The following KCNMA1 variants were observed in gnomAD, a reference collection of about 807,000 sequenced individuals.
KCNMA1 encodes Calcium-activated potassium channel subunit alpha-1.
KCNMA1 carries 29 observed loss-of-function variants against 140.0 expected under a neutral mutation model. The ratio of observed to expected loss-of-function variants is 0.21; its 90% CI spans 0.15 to 0.28. KCNMA1 has a LOEUF of 0.28. KCNMA1 is among the 10% of genes least tolerant of loss of function. The pLI is 1.00. For missense variants in KCNMA1, 880 were observed against 1,602.2 expected, an observed-to-expected ratio of 0.55 and a Z score of 7.70; for synonymous variants, 612 against 611.9, an observed-to-expected ratio of 1.00 and a Z score of 0.00.
At chr10:77,467,658 G>A (rs1255292724) in intron 1 of KCNMA1, among the ~76,000 whole-genome samples, 2 of 152,238 alleles carry the variant, frequency 1.3e-5, no homozygotes, top group African/African-American at 4.8e-5. Flanking sequence ...TAGTTCCCAA[G>A]TTTCCAGACT....
chr10:76,885,263 T>G lies in KCNMA1; in HGVS notation c.*2003A>C. On this transcript the variant is annotated 3_prime_UTR_variant, in exon 28 of 28. Coordinates refer to ENST00000286628, the MANE Select transcript of KCNMA1 (RefSeq NM_001161352.2). ...GTTATATATATATAATTATATATAG[T>G]TTATATAAAGAGATAGTTATACATA... The G allele has an allele frequency of 5.4e-6, 3 of 551,674 alleles. No individual in the cohort carries two copies. Among genetic ancestry groups the G allele is most frequent in the Non-Finnish European group, 6.9e-6 (3 of 435,356 alleles). The allele number at this position is 551,674 out of a possible 1,614,324, so 34.2% of individuals were successfully genotyped here.
Position 77,001,557 on chromosome 10 carries a change from T to A in KCNMA1, c.2116A>T (p.Met706Leu), listed in dbSNP as rs138441895. The part of the protein sequence containing the change: ...KRPKMSIYKR[M>L]RRACCFDCGR... ...CAATCAAAACAACATGCCCGTCTCA[T>A]TCTCTTGTAGATGGACATCTTGGCT... The change falls in exon 19 of 28, where the codon ATG (methionine) becomes TTG (leucine). Residue 706 changes from methionine (M) to leucine (L), a missense_variant. This residue lies in a region of KCNMA1 where 196 missense variants were observed against 233.0 expected (regional missense o/e 0.84). Coordinates refer to ENST00000286628, the MANE Select transcript of KCNMA1 (RefSeq NM_001161352.2). The A allele has an allele frequency of 1.8e-4, 280 of 1,552,064 alleles. No homozygotes were observed. Among genetic ancestry groups the A allele is most frequent in the Admixed American group, 4.3e-4 (22 of 51,012 alleles).
chr10:77,192,971 C>T (rs2154140827), intron 3 of KCNMA1, among the ~76,000 whole-genome samples: 1 of 152,036 alleles, frequency 6.6e-6, no homozygotes, highest in South Asian at 2.1e-4. Context: ...AAATAATTAG[C>T]CAAGATTTCT....
chr10:77,311,736 CTCT>C (rs754805570), intron 2 of KCNMA1, among the ~76,000 whole-genome samples: 1 of 152,186 alleles, frequency 6.6e-6, no homozygotes, highest in Non-Finnish European at 1.5e-5. Flanking sequence ...ATGGGTTCAC[CTCT>C]TCTTGCAGCC....
In KCNMA1 at chr10:76,886,963, C is replaced by T; in HGVS notation, c.*303G>A. 1.6e-6 allele frequency: 2 copies of T among 1,238,236 alleles called. No individual in the cohort carries two copies. Among genetic ancestry groups the T allele is most frequent in the Non-Finnish European group, 2.0e-6 (2 of 975,752 alleles). The allele number at this position is 1,238,236 out of a possible 1,614,324, so 76.7% of individuals were successfully genotyped here. A position where few individuals can be genotyped will look rare whatever the true frequency, so the allele number is the denominator to read the frequency against. ...AACTGACGTTGATCACAAGTGCTCC[C>T]TTCTAATCTGTGAACTCGTTCCTGC... On this transcript the variant is annotated 3_prime_UTR_variant, in exon 28 of 28. Transcript: ENST00000286628.
At position 76,909,955 on chromosome 10, in the gene KCNMA1, G is replaced by A. The variant is rs201432208; in HGVS notation, c.3147+11C>T. The A allele has an allele frequency of 1.9e-6, 3 of 1,612,806 alleles. No individual in the cohort carries two copies. Among genetic ancestry groups the A allele is most frequent in the Non-Finnish European group, 2.5e-6 (3 of 1,179,748 alleles). On this transcript the variant is annotated intron_variant, in intron 25 of 27. Transcript: ENST00000286628. Reference sequence around the variant, plus strand: ...ACCCTTGAGTGAGGAGGAGGGAACAGGATAACTCACCGCGCTCATGAGTGA... The same window carrying A: ...ACCCTTGAGTGAGGAGGAGGGAACAAGATAACTCACCGCGCTCATGAGTGA...
chr10:77,182,811 G>A (rs2154123339), intron 5 of KCNMA1, among the ~76,000 whole-genome samples: 1 of 152,220 alleles, frequency 6.6e-6, no homozygotes, highest in African/African-American at 2.4e-5. Flanking sequence ...CTATCCTCTG[G>A]TCAAGTTACT....
At chr10:77,432,790 A>C (rs2097179977) in intron 1 of KCNMA1, among the ~76,000 whole-genome samples, 1 of 152,216 alleles carries the variant, frequency 6.6e-6, no homozygotes, top group Admixed American at 6.5e-5. Flanking sequence ...ACTTTTAAAA[A>C]ACTACCAAAC....
chr10:77,406,132 C>A (rs1460400362), intron 1 of KCNMA1, among the ~76,000 whole-genome samples: 1 of 152,210 alleles, frequency 6.6e-6, no homozygotes, highest in Non-Finnish European at 1.5e-5. Context: ...GGACCTGCTG[C>A]CCAAGCCTCC....
At position 77,178,052 on chromosome 10, in the gene KCNMA1, T is replaced by C. The variant is rs143855485; in HGVS notation, c.808+5369A>G. Reference sequence around the variant, plus strand: ...AGCAGATACCCTACATCATTGCAACTGCCCTGTGATTGGGCATTAACTCAT... The same window carrying C: ...AGCAGATACCCTACATCATTGCAACCGCCCTGTGATTGGGCATTAACTCAT... On this transcript the variant is annotated intron_variant, in intron 5 of 27. Coordinates refer to ENST00000286628, the MANE Select transcript of KCNMA1 (RefSeq NM_001161352.2). Among the ~76,000 whole-genome samples the C allele has an allele frequency of 2.1e-3, 315 of 152,354 alleles. 1 individual carries two copies. Among genetic ancestry groups the C allele is most frequent in the Middle Eastern group, 0.02 (6 of 294 alleles).
At chr10:76,946,089 G>A (rs1183201259) in intron 22 of KCNMA1, among the ~76,000 whole-genome samples, 1 of 152,134 alleles carries the variant, frequency 6.6e-6, no homozygotes. Context: ...AAAAGACAGT[G>A]GAAAAATCCC....
At chr10:77,515,966 C>T (rs1487342675) in intron 1 of KCNMA1, among the ~76,000 whole-genome samples, 4 of 152,218 alleles carry the variant, frequency 2.6e-5, no homozygotes, top group Admixed American at 2.6e-4. Context: ...GTTATCCCTG[C>T]AGCCAGCGCA....
chr10:77,122,847 G>T (rs112254864), intron 5 of KCNMA1, among the ~76,000 whole-genome samples: 1,535 of 152,190 alleles, frequency 0.01, 27 homozygotes, highest in African/African-American at 0.035. Context: ...TGTTGATGGG[G>T]TTATTTACCG....
At chr10:77,313,225 A>G (rs2079825391) in intron 2 of KCNMA1, among the ~76,000 whole-genome samples, 2 of 152,328 alleles carry the variant, frequency 1.3e-5, no homozygotes, top group African/African-American at 4.8e-5. Context: ...TGGTCTACAC[A>G]TAAGAAATCT....
intron 5 of KCNMA1, among the ~76,000 whole-genome samples, chr10:77,133,048 T>C (rs2097898368): frequency 6.6e-6 from 1 of 151,570 alleles, no homozygotes; most frequent in African/African-American, 2.4e-5. Context: ...CTTGTCTTGA[T>C]AGGATACAAT....
intron 10 of KCNMA1, among the ~76,000 whole-genome samples, chr10:77,088,247 C>T (rs549688901): frequency 2.7e-5 from 4 of 150,690 alleles, no homozygotes; most frequent in Non-Finnish European, 4.4e-5. Flanking sequence ...AGGCATGAGC[C>T]ACCATGCCTG....
intron 1 of KCNMA1, among the ~76,000 whole-genome samples, chr10:77,613,095 C>G (rs141316570): frequency 2.0e-4 from 30 of 152,324 alleles, no homozygotes; most frequent in Middle Eastern, 3.4e-3. Context: ...AAAACCCCAC[C>G]ACCAGGTGAT....
intron 5 of KCNMA1, among the ~76,000 whole-genome samples, chr10:77,175,401 C>G (rs1271409944): frequency 1.3e-5 from 2 of 152,130 alleles, no homozygotes; most frequent in Non-Finnish European, 2.9e-5. Flanking sequence ...AATAAGCAAT[C>G]AATAACTGTT....
intron 23 of KCNMA1, among the ~76,000 whole-genome samples, chr10:76,916,436 A>G (rs1033564496): frequency 6.6e-6 from 1 of 152,238 alleles, no homozygotes; most frequent in East Asian, 1.9e-4. Flanking sequence ...ACATATCAAT[A>G]TTAGAAACCT....
Sources: allele counts gnomAD v4.1 joint callset (sites outside exome capture counted in the v4.1 genomes callset), GRCh38; gene constraint gnomAD v4.1.1; regional missense constraint gnomAD v4.1.1; transcripts MANE v1.5; gene names NCBI Gene and HGNC (gene_info 2026-07-23, HGNC 2026-07-21).